The following C1orf185 variants were observed in gnomAD, a reference collection of about 807,000 sequenced individuals.
C1orf185 encodes the protein chromosome 1 open reading frame 185.
In C1orf185, 13 loss-of-function variants were observed where a neutral mutation model predicts 16.1. That is an observed-to-expected ratio of 0.81 (90% CI 0.53 to 1.28). The LOEUF (loss-of-function observed/expected upper bound fraction) is 1.28. C1orf185 is among the 50% of genes most tolerant of loss of function. The pLI is 0.00. For missense variants in C1orf185, 220 were observed against 225.2 expected, an observed-to-expected ratio of 0.98 and a Z score of 0.15; for synonymous variants, 80 against 76.9, an observed-to-expected ratio of 1.04 and a Z score of -0.21.
At chr1:51,135,277 T>A (rs1646315222) in intron 3 of C1orf185, among the ~76,000 whole-genome samples, 1 of 152,176 alleles carries the variant, frequency 6.6e-6, no homozygotes, top group Non-Finnish European at 1.5e-5. Flanking sequence ...CAGTGGCTCA[T>A]GCCTGTAATC....
intron 1 of C1orf185, among the ~76,000 whole-genome samples, chr1:51,104,282 A>G (rs1349577108): frequency 1.3e-5 from 2 of 152,240 alleles, no homozygotes; most frequent in Admixed American, 1.3e-4. Context: ...TGAATACTCA[A>G]AAATAAAAGC....
rs150016721 is a variant in C1orf185, at chr1:51,136,723, C to A, written c.259-9001C>A. Among the ~76,000 whole-genome samples, 1,287 of 152,144 alleles carry A rather than the reference C, an allele frequency of 8.5e-3. 17 individuals carry two copies. The highest frequency in any genetic ancestry group is 8.5e-3 in the Non-Finnish European group (578 of 67,994). On this transcript the variant is annotated intron_variant, in intron 3 of 4. Transcript: ENST00000371759. Reference sequence around the variant, plus strand: ...CATATGCAGAAGACTGAAACTGGACCCCTTCCTTATATCATGTACAAAAAT... The same window carrying A: ...CATATGCAGAAGACTGAAACTGGACACCTTCCTTATATCATGTACAAAAAT...
intron 3 of C1orf185, among the ~76,000 whole-genome samples, chr1:51,122,672 C>T (rs1295882453): frequency 1.3e-5 from 2 of 152,170 alleles, no homozygotes; most frequent in Admixed American, 1.3e-4. Flanking sequence ...GACAAATGTG[C>T]AATCATGTCA....
At chr1:51,148,172 A>G (rs781073074), downstream of C1orf185, 6 of 163,862 alleles carry the variant, frequency 3.7e-5, no homozygotes, top group Non-Finnish European at 5.4e-5. Context: ...TGCCCAGGCT[A>G]GAGTGCAGTG....
chr1:51,113,822 C>T (rs72892457), intron 2 of C1orf185, among the ~76,000 whole-genome samples: 10,966 of 152,242 alleles, frequency 0.072, 1,187 homozygotes, highest in African/African-American at 0.23. Context: ...TACCCATCTA[C>T]ATTCAGAAGT....
At chr1:51,103,410 A>AAAACACACAC (rs1553161775) in intron 1 of C1orf185, among the ~76,000 whole-genome samples, 3 of 128,892 alleles carry the variant, frequency 2.3e-5, no homozygotes, top group Non-Finnish European at 1.6e-5. Flanking sequence ...TGTCTCGAAA[A>AAAACACACAC]ACACACACAC....
downstream of C1orf185, among the ~76,000 whole-genome samples, chr1:51,151,685 ATTTAT>A (rs1646430018): frequency 6.6e-6 from 1 of 151,708 alleles, no homozygotes. Flanking sequence ...ATTTTTATTT[ATTTAT>A]TTTATTTTTA....
At chr1:51,149,553 G>T (rs1260998435), downstream of C1orf185, among the ~76,000 whole-genome samples, 1 of 152,122 alleles carries the variant, frequency 6.6e-6, no homozygotes, top group African/African-American at 2.4e-5. Flanking sequence ...TTTTACTCTC[G>T]ATCCCAGAGA....
intron 3 of C1orf185, among the ~76,000 whole-genome samples, chr1:51,136,466 C>T (rs941033804): frequency 4.0e-5 from 6 of 151,832 alleles, no homozygotes; most frequent in African/African-American, 1.5e-4. Flanking sequence ...AAGAACAAAG[C>T]TGGCGGCATC....
intron 3 of C1orf185, among the ~76,000 whole-genome samples, chr1:51,121,991 A>G (rs1017362810): frequency 1.3e-5 from 2 of 152,312 alleles, no homozygotes; most frequent in Non-Finnish European, 1.5e-5. Context: ...CATAAATGTT[A>G]TAGAATAATA....
chr1:51,144,051 A>G (rs1646383656), intron 3 of C1orf185, among the ~76,000 whole-genome samples: 2 of 152,232 alleles, frequency 1.3e-5, no homozygotes, highest in Admixed American at 6.5e-5. Flanking sequence ...AAGTTTCACT[A>G]GAAAAAATTC....
chr1:51,126,757 G>C (rs1462012557), intron 3 of C1orf185, among the ~76,000 whole-genome samples: 1 of 152,054 alleles, frequency 6.6e-6, no homozygotes, highest in African/African-American at 2.4e-5. Context: ...ACCAACACTG[G>C]TACATTATTA....
At chr1:51,132,094 A>C (rs1646289767) in intron 3 of C1orf185, among the ~76,000 whole-genome samples, 1 of 152,212 alleles carries the variant, frequency 6.6e-6, no homozygotes, top group Admixed American at 6.5e-5. Flanking sequence ...GGTGAAAAGG[A>C]AAAAGAAAAC....
chr1:51,128,905 G>A (rs1340070666), intron 3 of C1orf185, among the ~76,000 whole-genome samples: 1 of 151,790 alleles, frequency 6.6e-6, no homozygotes, highest in Non-Finnish European at 1.5e-5. Flanking sequence ...TTTGTTTTGA[G>A]ATGGAGTCTG....
intron 3 of C1orf185, among the ~76,000 whole-genome samples, chr1:51,125,164 T>C (rs1317292562): frequency 6.6e-6 from 1 of 152,160 alleles, no homozygotes; most frequent in Non-Finnish European, 1.5e-5. Context: ...ATCTAGAAAG[T>C]ATAAACTTTA....
chr1:51,116,691 A>T (rs983889232), intron 2 of C1orf185, among the ~76,000 whole-genome samples: 1 of 152,168 alleles, frequency 6.6e-6, no homozygotes, highest in Non-Finnish European at 1.5e-5. Context: ...AAAACTTTTA[A>T]GGGCTTACAT....
intron 1 of C1orf185, among the ~76,000 whole-genome samples, chr1:51,104,524 G>C (rs1164276469): frequency 6.6e-6 from 1 of 152,188 alleles, no homozygotes; most frequent in Non-Finnish European, 1.5e-5. Context: ...TAAGGCAAGA[G>C]AGGGAGAAAA....
chr1:51,120,532 T>G (rs1472213553), intron 3 of C1orf185, among the ~76,000 whole-genome samples: 1 of 152,222 alleles, frequency 6.6e-6, no homozygotes, highest in Admixed American at 6.5e-5. Flanking sequence ...CTGGAAGATT[T>G]TAAGCATGTG....
At chr1:51,115,547 C>T (rs547988282) in intron 2 of C1orf185, among the ~76,000 whole-genome samples, 2 of 152,220 alleles carry the variant, frequency 1.3e-5, no homozygotes, top group South Asian at 4.1e-4. Context: ...AGTACAAGTA[C>T]TTTCACTTTT....
Sources: gnomAD v4.1 joint callset for allele counts (sites outside exome capture counted in the v4.1 genomes callset) on GRCh38, gnomAD v4.1.1 for gene constraint, MANE v1.5 for transcripts, NCBI Gene and HGNC (gene_info 2026-07-23, HGNC 2026-07-21) for gene names.